TENM4: variants seen among roughly 807,000 people sequenced by gnomAD.
TENM4 encodes the protein teneurin transmembrane protein 4.
In TENM4, 82 loss-of-function variants were observed where a neutral mutation model predicts 243.3. The observed-to-expected ratio is 0.34, with a 90% CI of 0.28 to 0.40. The LOEUF is 0.40. Among genes scored for constraint, TENM4 ranks in the 10% least tolerant of loss-of-function variants. The pLI, the probability that TENM4 is intolerant of heterozygous loss-of-function variation, is 1.00. For synonymous variants in TENM4, 1,412 were observed against 1,456.3 expected (o/e 0.97, Z 0.69); for missense variants, 3,138 against 3,673.3 (o/e 0.85, Z 3.77).
At chr11:78,971,101 G>A (rs760788755) in intron 6 of TENM4, among the ~76,000 whole-genome samples, 36 of 152,094 alleles carry the variant, frequency 2.4e-4, no homozygotes, top group Non-Finnish European at 5.0e-4. Flanking sequence ...ACAGGGTACT[G>A]TGGCCTTGAA....
chr11:79,344,746 G>A (rs1857299514), intron 1 of TENM4, among the ~76,000 whole-genome samples: 1 of 152,212 alleles, frequency 6.6e-6, no homozygotes, highest in Non-Finnish European at 1.5e-5. Flanking sequence ...GAAGGAAGCA[G>A]AGTAATCAGG....
At chr11:79,290,577 T>G (rs1856339428) in intron 2 of TENM4, among the ~76,000 whole-genome samples, 1 of 151,356 alleles carries the variant, frequency 6.6e-6, no homozygotes, top group African/African-American at 2.4e-5. Flanking sequence ...CATCGCTCCC[T>G]TTGTACCACT....
chr11:78,778,326 G>GT (rs1856776403), intron 17 of TENM4, among the ~76,000 whole-genome samples: 2 of 117,276 alleles, frequency 1.7e-5, no homozygotes, highest in African/African-American at 6.7e-5. Context: ...TGTATGTGGG[G>GT]CGGGGGGAGG....
chr11:78,812,707 C>T (rs1203649951), intron 13 of TENM4, among the ~76,000 whole-genome samples: 2 of 152,252 alleles, frequency 1.3e-5, no homozygotes, highest in Middle Eastern at 3.4e-3. Flanking sequence ...TCTAATAACA[C>T]TCCACTTTCA....
chr11:78,752,758 G>T (rs1856219260), intron 19 of TENM4, among the ~76,000 whole-genome samples: 1 of 152,076 alleles, frequency 6.6e-6, no homozygotes, highest in Non-Finnish European at 1.5e-5. Flanking sequence ...TGGCTGGCAA[G>T]AATGCAGCCT....
chr11:78,738,652 A>G (rs1590982213), intron 19 of TENM4, 82 bp from the exon 20 acceptor site: 2 of 1,460,830 alleles, frequency 1.4e-6, no homozygotes, highest in African/African-American at 2.8e-5. Context: ...GAGAGGCCAG[A>G]AGCCAGAAAA....
intron 18 of TENM4, 149 bp from the exon 19 acceptor site, chr11:78,757,170 A>C: frequency 1.3e-6 from 1 of 775,524 alleles, no homozygotes; most frequent in South Asian, 1.8e-5. Context: ...GCTGGGCACC[A>C]AACAGATGCA....
intron 3 of TENM4, among the ~76,000 whole-genome samples, chr11:79,149,399 C>CT (rs1862451786): frequency 6.6e-6 from 1 of 152,148 alleles, no homozygotes; most frequent in Non-Finnish European, 1.5e-5. Flanking sequence ...AAATTTCTCT[C>CT]TAAGTGCTGT....
intron 18 of TENM4, among the ~76,000 whole-genome samples, chr11:78,767,735 T>C (rs1427268766): frequency 6.6e-6 from 1 of 152,268 alleles, no homozygotes; most frequent in Non-Finnish European, 1.5e-5. Context: ...AGTGAGACTC[T>C]AACACAATTT....
chr11:79,017,963 G>T (rs1453834233), intron 6 of TENM4, among the ~76,000 whole-genome samples: 3 of 152,214 alleles, frequency 2.0e-5, no homozygotes, highest in Non-Finnish European at 4.4e-5. Flanking sequence ...AACAGGTCCT[G>T]CTGGAGAGGA....
chr11:79,269,602 C>T (rs955827592), intron 2 of TENM4: 1 of 151,888 alleles, frequency 6.6e-6, no homozygotes, highest in African/African-American at 2.4e-5. Flanking sequence ...GAGAGCAGGG[C>T]TCCTCAGGGC....
At chr11:79,115,800 T>C (rs550527086) in intron 4 of TENM4, among the ~76,000 whole-genome samples, 1 of 152,292 alleles carries the variant, frequency 6.6e-6, no homozygotes, top group East Asian at 1.9e-4. Context: ...CAGTAGCAAA[T>C]TCTGCTCTTC....
intron 1 of TENM4, among the ~76,000 whole-genome samples, chr11:79,317,211 G>A (rs1326709506): frequency 2.0e-5 from 3 of 152,190 alleles, no homozygotes; most frequent in Non-Finnish European, 2.9e-5. Flanking sequence ...ACTCACACAC[G>A]GTTTCAGCTT....
At chr11:78,726,998 C>A (rs949387282) in intron 22 of TENM4, among the ~76,000 whole-genome samples, 1 of 152,094 alleles carries the variant, frequency 6.6e-6, no homozygotes, top group Non-Finnish European at 1.5e-5. Flanking sequence ...TCTAAAGGTT[C>A]AAGAGGGGTG....
At position 78,722,885 on chromosome 11, in the gene TENM4, A is replaced by G; in HGVS notation, c.3583T>C (p.Phe1195Leu). The G allele has an allele frequency of 6.2e-7, 1 of 1,614,018 alleles. No individual in the cohort carries two copies. Among genetic ancestry groups the G allele is most frequent in the Non-Finnish European group, 8.5e-7 (1 of 1,179,880 alleles). ...ILHKGNGENQFVSQQPPVIGS... is the reference protein window; with the variant it reads ...ILHKGNGENQLVSQQPPVIGS... ...ATGACAGGAGGCTGCTGAGACACAA[A>G]CTGGTTCTCCCCATTCCCTTTGTGC... is the stretch of plus-strand genomic sequence containing the variant. Residue 1195 changes from phenylalanine (F) to leucine (L), a missense_variant, in exon 24 of 34, where the codon TTT (phenylalanine) becomes CTT (leucine). Coordinates refer to ENST00000278550, the MANE Select transcript of TENM4 (RefSeq NM_001098816.3).
chr11:78,751,887 T>C (rs1162490901), intron 19 of TENM4, among the ~76,000 whole-genome samples: 1 of 152,134 alleles, frequency 6.6e-6, no homozygotes, highest in Non-Finnish European at 1.5e-5. Flanking sequence ...GCTCCTCCTC[T>C]CCTAAGTGTC....
At chr11:78,903,867 G>C in intron 6 of TENM4, 1 of 567,614 alleles carries the variant, frequency 1.8e-6, no homozygotes, top group South Asian at 1.5e-5. Context: ...GTGTGGCCAG[G>C]GACCAGCAGC....
chr11:79,333,236 A>G (rs1234032584), intron 1 of TENM4, among the ~76,000 whole-genome samples: 1 of 136,338 alleles, frequency 7.3e-6, no homozygotes, highest in Non-Finnish European at 1.6e-5. Flanking sequence ...CCATTCATCC[A>G]TCCATCCATC....
intron 19 of TENM4, among the ~76,000 whole-genome samples, chr11:78,740,154 C>T (rs1396533320): frequency 6.6e-6 from 1 of 152,182 alleles, no homozygotes; most frequent in Non-Finnish European, 1.5e-5. Flanking sequence ...TGACGAGGCC[C>T]ATGGGCATTC....
Sources: allele counts gnomAD v4.1 joint callset (sites outside exome capture counted in the v4.1 genomes callset), GRCh38; gene constraint gnomAD v4.1.1; transcripts MANE v1.5; gene names NCBI Gene and HGNC (gene_info 2026-07-23, HGNC 2026-07-21).